The following SOX5 variants were observed in gnomAD, a reference collection of about 807,000 sequenced individuals.
The protein encoded by SOX5 is SRY-box transcription factor 5.
SOX5 carries 9 observed loss-of-function variants against 92.0 expected under a neutral mutation model. The observed-to-expected ratio is 0.10, with a 90% CI of 0.06 to 0.17. The LOEUF (loss-of-function observed/expected upper bound fraction) is 0.17. Among genes scored for constraint, SOX5 ranks in the 10% least tolerant of loss-of-function variants. The pLI is 1.00. For missense variants in SOX5, 642 were observed against 944.5 expected (o/e 0.68, Z 4.20); for synonymous variants, 344 against 336.3 (o/e 1.02, Z -0.25).
At position 23,602,000 on chromosome 12, in the gene SOX5, T is replaced by C. The variant is rs1016763318; in HGVS notation, c.1164+2387A>G. Reference sequence around the variant, plus strand: ...ATTCTTAGTTAAACCTTTGTGTATTTTACAATAATTGTGGATGGAAAGAAG... The same window carrying C: ...ATTCTTAGTTAAACCTTTGTGTATTCTACAATAATTGTGGATGGAAAGAAG... On this transcript the variant is annotated intron_variant, in intron 9 of 14. Transcript: ENST00000451604. 2.0e-5 allele frequency among the ~76,000 whole-genome samples: 3 copies of C among 152,174 alleles called. No homozygotes were observed. In the South Asian group the frequency reaches 6.2e-4, roughly 31 times the overall value.
chr12:23,704,294 A>G (rs906421471), intron 6 of SOX5, among the ~76,000 whole-genome samples: 8 of 151,912 alleles, frequency 5.3e-5, no homozygotes, highest in African/African-American at 1.9e-4. Context: ...GATAAGACTG[A>G]CAGCCATATC....
At chr12:24,280,747 GTT>G (rs542918746) in intron 2 of SOX5, among the ~76,000 whole-genome samples, 1 of 151,634 alleles carries the variant, frequency 6.6e-6, no homozygotes, top group East Asian at 1.9e-4. Flanking sequence ...TTATGAGAGG[GTT>G]TTATGTTTAC....
chr12:23,948,978 T>G (rs2139780478), intron 1 of SOX5, among the ~76,000 whole-genome samples: 1 of 152,268 alleles, frequency 6.6e-6, no homozygotes, highest in African/African-American at 2.4e-5. Context: ...TCGCCCCTAT[T>G]TTTGACACTT....
At chr12:24,015,517 T>TC (rs1206886800) in intron 4 of SOX5, among the ~76,000 whole-genome samples, 5 of 152,048 alleles carry the variant, frequency 3.3e-5, no homozygotes, top group African/African-American at 1.2e-4. Context: ...CGCCTCTTGT[T>TC]CCCCCAATCA....
chr12:24,190,751 A>G (rs1956443906), intron 4 of SOX5, among the ~76,000 whole-genome samples: 1 of 152,242 alleles, frequency 6.6e-6, no homozygotes, highest in Non-Finnish European at 1.5e-5. Context: ...TACTATGGCA[A>G]TTAAAATATG....
At chr12:23,911,602 A>G (rs994280324) in intron 1 of SOX5, among the ~76,000 whole-genome samples, 1 of 152,082 alleles carries the variant, frequency 6.6e-6, no homozygotes, top group Non-Finnish European at 1.5e-5. Flanking sequence ...TAAATGATGT[A>G]TACCTTTTAT....
intron 2 of SOX5, among the ~76,000 whole-genome samples, chr12:24,321,305 T>C (rs530558729): frequency 2.0e-5 from 3 of 152,360 alleles, no homozygotes; most frequent in Admixed American, 6.5e-5. Flanking sequence ...CCACAATTTA[T>C]ATTTGTGTAG....
At chr12:23,974,723 A>AT (rs1948722361) in intron 4 of SOX5, among the ~76,000 whole-genome samples, 1 of 152,182 alleles carries the variant, frequency 6.6e-6, no homozygotes, top group Non-Finnish European at 1.5e-5. Flanking sequence ...TGGGATCATA[A>AT]TTTTTTAGTG....
At chr12:24,224,120 G>A (rs1194685240) in intron 3 of SOX5, among the ~76,000 whole-genome samples, 1 of 152,208 alleles carries the variant, frequency 6.6e-6, no homozygotes, top group Non-Finnish European at 1.5e-5. Flanking sequence ...CCATTAATTT[G>A]AGCCAGCAGT....
intron 1 of SOX5, among the ~76,000 whole-genome samples, chr12:24,535,428 G>A (rs1951555625): frequency 6.6e-6 from 1 of 152,130 alleles, no homozygotes; most frequent in Non-Finnish European, 1.5e-5. Context: ...AGAAGAACTA[G>A]GACAATAGAG....
At chr12:23,693,186 C>T (rs938939071) in intron 6 of SOX5, among the ~76,000 whole-genome samples, 3 of 152,106 alleles carry the variant, frequency 2.0e-5, no homozygotes, top group African/African-American at 4.8e-5. Flanking sequence ...GCAAGTGGCA[C>T]GATCTCGGCT....
At chr12:23,948,332 C>A (rs1569205891) in intron 1 of SOX5, among the ~76,000 whole-genome samples, 1 of 152,154 alleles carries the variant, frequency 6.6e-6, no homozygotes, top group East Asian at 1.9e-4. Flanking sequence ...TATGTGACCA[C>A]ATTCAAGCGT....
At chr12:24,520,125 G>A (rs1011436990) in intron 1 of SOX5, among the ~76,000 whole-genome samples, 4 of 151,750 alleles carry the variant, frequency 2.6e-5, no homozygotes, top group Non-Finnish European at 5.9e-5. Context: ...GACTTTCCCA[G>A]ACAAACAAAC....
rs191219487 is a variant in SOX5 at position 24,399,130 on chromosome 12, C to T, written c.-250-30491G>A. 1.1e-4 allele frequency among the ~76,000 whole-genome samples: 16 copies of T among 152,120 alleles called. No individual in the cohort carries two copies. In the East Asian group the frequency reaches 3.1e-3, roughly 29 times the overall value. On this transcript the variant is annotated intron_variant, in intron 1 of 4. Transcript: ENST00000446891. ...ACACTAAAGGAAGGGCAGTCAAAGT[C>T]GAAGCACTGGTCTTACATGATTGCA...
intron 4 of SOX5, among the ~76,000 whole-genome samples, chr12:23,995,297 T>G (rs1331023230): frequency 6.6e-6 from 1 of 152,226 alleles, no homozygotes; most frequent in Non-Finnish European, 1.5e-5. Context: ...GAAAAAGTGC[T>G]TTTTGTTTAG....
intron 1 of SOX5, among the ~76,000 whole-genome samples, chr12:23,913,384 T>C (rs2097373454): frequency 6.6e-6 from 1 of 152,024 alleles, no homozygotes; most frequent in Non-Finnish European, 1.5e-5. Context: ...TCCTTTTCTC[T>C]TTGCCACATC....
At chr12:23,711,228 C>T (rs1467920845) in intron 6 of SOX5, among the ~76,000 whole-genome samples, 1 of 152,092 alleles carries the variant, frequency 6.6e-6, no homozygotes, top group Non-Finnish European at 1.5e-5. Context: ...TTGATGAAGC[C>T]TTATTATCTC....
chr12:24,171,491 AGGATTACAGGCGTG>A (rs1954161384), intron 4 of SOX5, among the ~76,000 whole-genome samples: 1 of 152,040 alleles, frequency 6.6e-6, no homozygotes, highest in African/African-American at 2.4e-5. Flanking sequence ...CCAAAGGGCT[AGGATTACAGGCGTG>A]AGCCACCATG....
chr12:24,295,810 T>C (rs1947154890), intron 2 of SOX5, among the ~76,000 whole-genome samples: 1 of 152,162 alleles, frequency 6.6e-6, no homozygotes, highest in African/African-American at 2.4e-5. Flanking sequence ...TCAAGTGATC[T>C]GCCCACCTTG....
Sources: allele counts gnomAD v4.1 joint callset (sites outside exome capture counted in the v4.1 genomes callset), GRCh38; gene constraint gnomAD v4.1.1; transcripts MANE v1.5; gene names NCBI Gene and HGNC (gene_info 2026-07-23, HGNC 2026-07-21).